Variants in INPP4B observed in about 807,000 individuals in gnomAD.
INPP4B encodes inositol polyphosphate 4-phosphatase type II.
INPP4B carries 55 observed loss-of-function variants against 122.5 expected under a neutral mutation model. The observed-to-expected ratio is 0.45, with a 90% confidence interval of 0.36 to 0.56. The LOEUF (loss-of-function observed/expected upper bound fraction) is 0.56, where lower values mean the gene tolerates loss of function less well. INPP4B is among the 20% of genes least tolerant of loss of function. The pLI, the probability that INPP4B is intolerant of heterozygous loss-of-function variation, is 0.00. For missense variants in INPP4B, 1,000 were observed against 1,097.7 expected (o/e 0.91, Z 1.26); for synonymous variants, 403 against 388.7 (o/e 1.04, Z -0.43).
chr4:142,475,598 A>G (rs1224835987), intron 2 of INPP4B, among the ~76,000 whole-genome samples: 1 of 152,178 alleles, frequency 6.6e-6, no homozygotes, highest in Non-Finnish European at 1.5e-5. Context: ...TAAGAAATAT[A>G]ATAAAATGGT....
At chr4:142,329,564 G>A (rs1773707913) in intron 7 of INPP4B, among the ~76,000 whole-genome samples, 2 of 152,164 alleles carry the variant, frequency 1.3e-5, no homozygotes, top group Admixed American at 1.3e-4. Context: ...AGTGTGGAAG[G>A]ATAAGAAATT....
intron 1 of INPP4B, among the ~76,000 whole-genome samples, chr4:142,788,579 T>C (rs896441836): frequency 6.6e-6 from 1 of 152,114 alleles, no homozygotes; most frequent in South Asian, 2.1e-4. Context: ...CCAAGCAGTA[T>C]ACACTGCACA....
At chr4:142,322,907 C>T (rs1000504901) in intron 7 of INPP4B, among the ~76,000 whole-genome samples, 1 of 152,198 alleles carries the variant, frequency 6.6e-6, no homozygotes, top group Non-Finnish European at 1.5e-5. Flanking sequence ...AAGGTGAATA[C>T]TCCACTTGAT....
intron 21 of INPP4B, 62 bp from the exon 22 acceptor site, chr4:142,112,744 T>G: frequency 6.6e-7 from 1 of 1,509,452 alleles, no homozygotes; most frequent in Non-Finnish European, 9.0e-7. Context: ...TATTTTAGAT[T>G]TATTGGAAGA....
chr4:142,074,240 G>C (rs1294142668), intron 25 of INPP4B, among the ~76,000 whole-genome samples: 2 of 152,126 alleles, frequency 1.3e-5, no homozygotes, highest in Admixed American at 6.6e-5. Flanking sequence ...TTGCAATTAT[G>C]TGCAAAACTC....
chr4:142,720,797 C>CTA lies in INPP4B; in HGVS notation c.-191+5041_-191+5042insTA, dbSNP rs1170460036. 3.2e-3 allele frequency among the ~76,000 whole-genome samples: 93 copies of CTA among 29,324 alleles called. 1 individual carries two copies. Among genetic ancestry groups the CTA allele is most frequent in the East Asian group, 4.8e-3 (3 of 630 alleles). The allele number at this position is 29,324 out of a possible 152,430, so 19.2% of individuals were successfully genotyped here. ...TCTCTCTCTCTCTCTCTCTCTCTCT[C>CTA]TCTCTCTCTCTCTATATATATATAT... On this transcript the variant is annotated intron_variant, in intron 2 of 25. Coordinates refer to ENST00000262992, the MANE Select transcript of INPP4B (RefSeq NM_001101669.3).
chr4:142,822,819 G>C (rs1780952288), intron 1 of INPP4B, among the ~76,000 whole-genome samples: 1 of 152,074 alleles, frequency 6.6e-6, no homozygotes, highest in African/African-American at 2.4e-5. Context: ...CTTACAATTT[G>C]GAATTCCTTC....
In INPP4B at chr4:142,463,407, A is replaced by G. The variant is rs888072880; in HGVS notation, c.-190-681T>C. ...GTTTACCACACTTCATGGGTTATAC[A>G]TCATTTTGCTGGCAGCTTTAATCAC... On this transcript the variant is annotated intron_variant, in intron 2 of 25. Coordinates refer to ENST00000262992, the MANE Select transcript of INPP4B (RefSeq NM_001101669.3). Among the ~76,000 whole-genome samples the G allele has an allele frequency of 2.0e-5, 3 of 152,190 alleles. No individual in the cohort carries two copies. In the East Asian group the frequency reaches 5.8e-4, roughly 29 times the overall value.
intron 3 of INPP4B, among the ~76,000 whole-genome samples, chr4:142,437,303 C>T (rs1367234192): frequency 3.3e-5 from 5 of 152,030 alleles, no homozygotes; most frequent in Non-Finnish European, 5.9e-5. Flanking sequence ...ACTGAACCTG[C>T]AACTGTTTGG....
At chr4:142,251,652 C>A (rs780079024) in intron 11 of INPP4B, among the ~76,000 whole-genome samples, 12 of 152,078 alleles carry the variant, frequency 7.9e-5, no homozygotes, top group Non-Finnish European at 1.3e-4. Context: ...ACCTGTTCTT[C>A]CTTGGGTTAA....
chr4:142,267,621 G>A (rs1743474128), intron 10 of INPP4B, among the ~76,000 whole-genome samples: 1 of 152,108 alleles, frequency 6.6e-6, no homozygotes. Flanking sequence ...AAAGTACTAG[G>A]AAGAAAACAT....
chr4:142,370,921 G>C (rs1227780902), intron 7 of INPP4B, among the ~76,000 whole-genome samples: 1 of 151,910 alleles, frequency 6.6e-6, no homozygotes, highest in African/African-American at 2.4e-5. Flanking sequence ...CATAGAAGTA[G>C]AAAAAGATAA....
intron 2 of INPP4B, among the ~76,000 whole-genome samples, chr4:142,638,441 C>A (rs978085326): frequency 1.3e-5 from 2 of 151,858 alleles, no homozygotes; most frequent in African/African-American, 4.8e-5. Context: ...AAAAGATCAT[C>A]TTTGATCCAT....
chr4:142,487,858 C>T (rs1282147053), intron 2 of INPP4B, among the ~76,000 whole-genome samples: 6 of 152,086 alleles, frequency 3.9e-5, no homozygotes, highest in Admixed American at 3.9e-4. Context: ...CACATATATT[C>T]TGTGAATAAA....
At chr4:142,461,626 G>A (rs1440794269) in intron 3 of INPP4B, among the ~76,000 whole-genome samples, 7 of 152,048 alleles carry the variant, frequency 4.6e-5, no homozygotes, top group Non-Finnish European at 7.4e-5. Flanking sequence ...ATTATCTAAC[G>A]TAGTTTAATG....
rs1331603088 is a variant in INPP4B, at chr4:142,642,463, TC to T, written c.-191+83375del. The stretch of plus-strand genomic sequence containing the variant: ...TTTTGTATAAGGTATAAGGAAGGGA[TC>T]CAGTTTCAGCTTTCTACATATGGCT... On this transcript the variant is annotated intron_variant, in intron 2 of 25. Coordinates refer to ENST00000262992, the MANE Select transcript of INPP4B (RefSeq NM_001101669.3). Among the ~76,000 whole-genome samples the T allele has an allele frequency of 7.2e-5, 11 of 152,324 alleles. No individual in the cohort carries two copies. In the East Asian group the frequency reaches 2.1e-3, roughly 29 times the overall value.
intron 2 of INPP4B, among the ~76,000 whole-genome samples, chr4:142,713,675 C>T (rs1322429203): frequency 1.3e-5 from 2 of 152,306 alleles, no homozygotes; most frequent in African/African-American, 2.4e-5. Context: ...GCTTTGAAAG[C>T]CTCATGTCCC....
rs537772644 is a variant in INPP4B at position 142,693,253 on chromosome 4, T to A, written c.-191+32586A>T. On this transcript the variant is annotated intron_variant, in intron 2 of 25. Transcript: ENST00000262992. ...CTAGGTGAGAAATACACTTTTAGAA[T>A]GGCTGATGGCAGTTGCTTACAGTGA... Among the ~76,000 whole-genome samples the A allele has an allele frequency of 2.0e-5, 3 of 152,066 alleles. No homozygotes were observed. In the East Asian group the frequency reaches 5.8e-4, roughly 30 times the overall value.
intron 1 of INPP4B, among the ~76,000 whole-genome samples, chr4:142,736,138 T>A (rs1766849735): frequency 6.6e-6 from 1 of 152,150 alleles, no homozygotes; most frequent in Admixed American, 6.6e-5. Context: ...AAATACAGAA[T>A]TCCAAGCTCC....
Sources: gnomAD v4.1 joint callset for allele counts (sites outside exome capture counted in the v4.1 genomes callset) on GRCh38, gnomAD v4.1.1 for gene constraint, MANE v1.5 for transcripts, NCBI Gene and HGNC (gene_info 2026-07-23, HGNC 2026-07-21) for gene names.